The following DOP1B variants were observed in gnomAD, a reference collection of about 807,000 sequenced individuals.
DOP1B encodes protein DOP1B.
In DOP1B, 174 loss-of-function variants were observed where a neutral mutation model predicts 233.5. The observed-to-expected ratio is 0.75, with a 90% CI of 0.66 to 0.85. The LOEUF (loss-of-function observed/expected upper bound fraction) is 0.85, where lower values mean the gene tolerates loss of function less well. Ranked by LOEUF, DOP1B falls within the 40% of genes least tolerant of loss-of-function variation. DOP1B has a pLI of 0.00. For synonymous variants in DOP1B, 1,190 were observed against 1,185.6 expected, an observed-to-expected ratio of 1.00 and a Z score of -0.08; for missense variants, 2,652 against 2,846.6, an observed-to-expected ratio of 0.93 and a Z score of 1.56.
chr21:36,175,412 A>C (rs1371113741), intron 2 of DOP1B, among the ~76,000 whole-genome samples: 1 of 151,908 alleles, frequency 6.6e-6, no homozygotes, highest in African/African-American at 2.4e-5. Context: ...CGCCTGGCCC[A>C]GATTTCCTCT....
chr21:36,161,217 C>G (rs1241096158), intron 1 of DOP1B, among the ~76,000 whole-genome samples: 1 of 151,964 alleles, frequency 6.6e-6, no homozygotes, highest in African/African-American at 2.4e-5. Flanking sequence ...GCGATCTGAG[C>G]CCACTGCAAC....
At chr21:36,289,309 C>T in intron 35 of DOP1B, 103 bp downstream of exon 35, 1 of 1,228,762 alleles carries the variant, frequency 8.1e-7, no homozygotes, top group Non-Finnish European at 1.1e-6. Context: ...GGGAAACCAC[C>T]ATCTGGGTTT....
At chr21:36,234,940 T>C (rs988728696) in intron 15 of DOP1B, among the ~76,000 whole-genome samples, 2 of 152,228 alleles carry the variant, frequency 1.3e-5, no homozygotes, top group Admixed American at 6.5e-5. Context: ...ATCATGGTAA[T>C]TAGCATACCC....
chr21:36,231,734 G>T (rs1432118927), intron 14 of DOP1B, among the ~76,000 whole-genome samples: 3 of 150,624 alleles, frequency 2.0e-5, no homozygotes, highest in African/African-American at 7.3e-5. Context: ...CTGGAGTGTG[G>T]TGACACCAAC....
chr21:36,196,646 C>T (rs1223303523), intron 2 of DOP1B, among the ~76,000 whole-genome samples: 1 of 152,088 alleles, frequency 6.6e-6, no homozygotes, highest in Non-Finnish European at 1.5e-5. Flanking sequence ...CAGTGGCTCA[C>T]ACCCATAATC....
intron 2 of DOP1B, among the ~76,000 whole-genome samples, chr21:36,184,347 C>T (rs2123438010): frequency 6.6e-6 from 1 of 152,214 alleles, no homozygotes; most frequent in South Asian, 2.1e-4. Flanking sequence ...CCACGCCCGG[C>T]CTAATTTTTG....
At chr21:36,284,971 A>T (rs946574965) in intron 32 of DOP1B, among the ~76,000 whole-genome samples, 2 of 151,394 alleles carry the variant, frequency 1.3e-5, no homozygotes, top group African/African-American at 4.8e-5. Flanking sequence ...ATACTTGTTT[A>T]TATTATATAT....
At chr21:36,270,786 C>T (rs538530057) in intron 27 of DOP1B, among the ~76,000 whole-genome samples, 58 of 150,390 alleles carry the variant, frequency 3.9e-4, no homozygotes, top group Non-Finnish European at 7.5e-4. Context: ...TGGTAGTGGG[C>T]GCCTGTAATC....
chr21:36,214,398 T>C (rs774865327), intron 8 of DOP1B, 44 bp from the exon 9 acceptor site: 9 of 1,565,540 alleles, frequency 5.7e-6, no homozygotes, highest in Non-Finnish European at 7.9e-6. Flanking sequence ...TGTTACACTT[T>C]ATGATATACG....
At chr21:36,277,889 T>C (rs2067370251) in intron 28 of DOP1B, 86 bp from the exon 29 acceptor site, 2 of 1,065,026 alleles carry the variant, frequency 1.9e-6, no homozygotes, top group Non-Finnish European at 2.9e-6. Flanking sequence ...TGATCCGCCC[T>C]CCTCAGCCTC....
rs1328368752 is a variant in DOP1B at position 36,287,985 on chromosome 21, G to T, written c.6161-29G>T. On this transcript the variant is annotated intron_variant, in intron 32 of 36. Transcript: ENST00000691173. Reference sequence around the variant, plus strand: ...AAGAAACCCTAAACTGCATATTTGTGTAACATCTTTACAATCTTCTTTCCT... The same window carrying T: ...AAGAAACCCTAAACTGCATATTTGTTTAACATCTTTACAATCTTCTTTCCT... 1.0e-5 allele frequency: 16 copies of T among 1,604,692 alleles called. No homozygotes were observed. In the Admixed American group the frequency reaches 2.8e-4, roughly 28 times the overall value.
chr21:36,272,814 A>C (rs539173897), intron 27 of DOP1B, among the ~76,000 whole-genome samples: 36 of 150,454 alleles, frequency 2.4e-4, no homozygotes, highest in African/African-American at 7.6e-4. Context: ...GAGAAACCCC[A>C]TCTCTACTAA....
chr21:36,263,937 T>A (rs2067204416), intron 26 of DOP1B, 123 bp downstream of exon 26: 2 of 999,702 alleles, frequency 2.0e-6, no homozygotes, highest in African/African-American at 3.2e-5. Flanking sequence ...GCTTTGCACT[T>A]GTTCTCAAGT....
At chr21:36,173,509 C>T (rs1220000836) in intron 2 of DOP1B, among the ~76,000 whole-genome samples, 1 of 151,548 alleles carries the variant, frequency 6.6e-6, no homozygotes, top group Non-Finnish European at 1.5e-5. Flanking sequence ...GCAAGCTTCG[C>T]CTCCTGGGTT....
chr21:36,232,820 T>C lies in DOP1B; in HGVS notation c.2367T>C (p.Ser789=), dbSNP rs1355675043. 7.4e-6 allele frequency: 12 copies of C among 1,612,550 alleles called. No homozygotes were observed. Among genetic ancestry groups the C allele is most frequent in the African/African-American group, 1.3e-5 (1 of 74,788 alleles). Residue 789 remains serine, a synonymous_variant, in exon 15 of 37, where the codon AGT becomes AGC. Transcript: ENST00000691173. ...TCCTTTCAGGAGCCGGTGATTCCAG[T>C]TTTCCATCTTGGCTGAAGTCCCTCA... ...LFQLPGAGDS[S]FPSWLKSLMT...
At chr21:36,262,567 G>A (rs563137760) in intron 24 of DOP1B, among the ~76,000 whole-genome samples, 28 of 152,252 alleles carry the variant, frequency 1.8e-4, no homozygotes, top group African/African-American at 6.5e-4. Context: ...AGCCACTTCA[G>A]GGAAGCAGAA....
At position 36,277,012 on chromosome 21, in the gene DOP1B, T is replaced by G. The variant is rs1478711710; in HGVS notation, c.5633-9T>G. On this transcript the variant is annotated splice_polypyrimidine_tract_variant and intron_variant, in intron 27 of 36. Transcript: ENST00000691173. ...TAGTTAACATACAAATGGCTCTTTC[T>G]GTTCACAGATGCTGCTGCAGCTTCA... is the stretch of plus-strand genomic sequence containing the variant. 1 of 1,614,006 alleles carries G rather than the reference T, an allele frequency of 6.2e-7. No individual in the cohort carries two copies. Among genetic ancestry groups the G allele is most frequent in the Non-Finnish European group, 8.5e-7 (1 of 1,179,970 alleles).
chr21:36,173,034 C>T (rs757484221), intron 2 of DOP1B, among the ~76,000 whole-genome samples: 3 of 152,038 alleles, frequency 2.0e-5, no homozygotes, highest in Admixed American at 6.6e-5. Flanking sequence ...GCAGGAGAAT[C>T]GCTTGAACCT....
chr21:36,191,104 A>G (rs1358418750), intron 2 of DOP1B, among the ~76,000 whole-genome samples: 1 of 152,178 alleles, frequency 6.6e-6, no homozygotes, highest in Non-Finnish European at 1.5e-5. Flanking sequence ...GGATCCAAAT[A>G]CTTCTTACCT....
Sources: gnomAD v4.1 joint callset for allele counts (sites outside exome capture counted in the v4.1 genomes callset) on GRCh38, gnomAD v4.1.1 for gene constraint, MANE v1.5 for transcripts, NCBI Gene and HGNC (gene_info 2026-07-23, HGNC 2026-07-21) for gene names.